ATOSA: variants seen among roughly 807,000 people sequenced by gnomAD.
ATOSA encodes the protein atos homolog A.
chr15:52,619,617 G>A, the ATOSA span, among the ~76,000 whole-genome samples: 16 of 152,140 alleles, frequency 1.1e-4, no homozygotes, highest in Non-Finnish European at 2.9e-5. Flanking sequence ...GGATCAACTT[G>A]AGGTCAGGGG....
chr15:52,701,184 A>G, the ATOSA span, among the ~76,000 whole-genome samples: 1 of 152,210 alleles, frequency 6.6e-6, no homozygotes, highest in Non-Finnish European at 1.5e-5. Flanking sequence ...GAACATATAG[A>G]AATATGGCAT....
At chr15:52,657,647 A>G in the ATOSA span, 2 of 152,198 alleles carry the variant, frequency 1.3e-5, no homozygotes, top group Non-Finnish European at 2.9e-5. Context: ...AGATTATGTC[A>G]TTCTAATAAA....
chr15:52,677,926 G>A, the ATOSA span: 1 of 1,547,352 alleles, frequency 6.5e-7, no homozygotes, highest in Non-Finnish European at 8.9e-7. Flanking sequence ...TCCTACTGCA[G>A]AATTAGGTTA....
the ATOSA span, among the ~76,000 whole-genome samples, chr15:52,617,057 A>G: frequency 6.6e-6 from 1 of 152,252 alleles, no homozygotes; most frequent in Admixed American, 6.5e-5. Flanking sequence ...TTGCTAGTCT[A>G]TAAATGAGAA....
the ATOSA span, among the ~76,000 whole-genome samples, chr15:52,614,328 A>C: frequency 3.3e-5 from 5 of 149,758 alleles, no homozygotes; most frequent in Non-Finnish European, 5.9e-5. Flanking sequence ...CTGGTCTCGA[A>C]CTCCTGACCT....
chr15:52,709,036 T>C, the ATOSA span, among the ~76,000 whole-genome samples: 1 of 152,052 alleles, frequency 6.6e-6, no homozygotes, highest in African/African-American at 2.4e-5. Context: ...ATGGAGAGTA[T>C]GGGAGAGTAC....
the ATOSA span, among the ~76,000 whole-genome samples, chr15:52,623,341 AAAG>A: frequency 3.9e-5 from 6 of 152,072 alleles, no homozygotes; most frequent in Admixed American, 1.3e-4. Context: ...TATGTGGATA[AAAG>A]AATAGGGGGA....
the ATOSA span, among the ~76,000 whole-genome samples, chr15:52,672,932 G>T: frequency 6.6e-6 from 1 of 152,242 alleles, no homozygotes; most frequent in African/African-American, 2.4e-5. Context: ...TTGATTATTT[G>T]ACAGCTACTG....
At chr15:52,683,922 T>G in the ATOSA span, among the ~76,000 whole-genome samples, 1 of 152,230 alleles carries the variant, frequency 6.6e-6, no homozygotes, top group Non-Finnish European at 1.5e-5. Context: ...AAGTTTCACC[T>G]CAAAATGTCT....
the ATOSA span, among the ~76,000 whole-genome samples, chr15:52,645,921 T>C: frequency 6.6e-6 from 1 of 152,216 alleles, no homozygotes; most frequent in African/African-American, 2.4e-5. Flanking sequence ...CATAAGAATA[T>C]TCTGTGTTAA....
chr15:52,693,190 C>T, the ATOSA span, among the ~76,000 whole-genome samples: 4 of 151,898 alleles, frequency 2.6e-5, no homozygotes, highest in South Asian at 4.2e-4. Flanking sequence ...GAGGCCAAGG[C>T]GGGTGGATCA....
At chr15:52,602,224 C>A in the ATOSA span, among the ~76,000 whole-genome samples, 1 of 152,156 alleles carries the variant, frequency 6.6e-6, no homozygotes, top group African/African-American at 2.4e-5. Context: ...TATGTGTATG[C>A]ATGTGTGTGT....
chr15:52,616,903 CCTA>C, the ATOSA span, among the ~76,000 whole-genome samples: 1 of 152,166 alleles, frequency 6.6e-6, no homozygotes, highest in Non-Finnish European at 1.5e-5. Flanking sequence ...CCCTCATAAA[CCTA>C]CTGAGACAGA....
chr15:52,705,016 A>G, the ATOSA span, among the ~76,000 whole-genome samples: 1 of 152,246 alleles, frequency 6.6e-6, no homozygotes, highest in Non-Finnish European at 1.5e-5. Context: ...ATATACCCAA[A>G]GGATTGTAAG....
At chr15:52,628,199 C>T in the ATOSA span, among the ~76,000 whole-genome samples, 18 of 152,104 alleles carry the variant, frequency 1.2e-4, no homozygotes, top group South Asian at 2.1e-4. Context: ...ACTCTTAAGA[C>T]GATTATGAAC....
chr15:52,679,788 CCT>C, the ATOSA span, among the ~76,000 whole-genome samples: 1 of 88,174 alleles, frequency 1.1e-5, no homozygotes, highest in Non-Finnish European at 2.4e-5. Context: ...TCCTCCTCCT[CCT>C]CCTCCCCCCT....
the ATOSA span, among the ~76,000 whole-genome samples, chr15:52,594,323 A>G: frequency 6.6e-6 from 1 of 152,224 alleles, no homozygotes; most frequent in African/African-American, 2.4e-5. Flanking sequence ...ATAGTACAGA[A>G]GCTCCTTATC....
At chr15:52,648,616 A>G in the ATOSA span, 2 of 152,156 alleles carry the variant, frequency 1.3e-5, no homozygotes, top group Admixed American at 1.3e-4. Flanking sequence ...TCAAAAAACA[A>G]AACACCTTCA....
chr15:52,642,046 C>T, the ATOSA span, among the ~76,000 whole-genome samples: 2 of 152,192 alleles, frequency 1.3e-5, no homozygotes, highest in Middle Eastern at 3.2e-3. Flanking sequence ...CAACTAAGCA[C>T]AACTATTATG....
Sources: gnomAD v4.1 joint callset for allele counts (sites outside exome capture counted in the v4.1 genomes callset) on GRCh38, gnomAD v4.1.1 for gene constraint, MANE v1.5 for transcripts, NCBI Gene and HGNC (gene_info 2026-07-23, HGNC 2026-07-21) for gene names.